GOLPH3: variants seen among roughly 807,000 people sequenced by gnomAD.
GOLPH3 encodes the protein coat protein GPP34.
GOLPH3 carries 14 observed loss-of-function variants against 28.5 expected under a neutral mutation model. The ratio of observed to expected loss-of-function variants is 0.49; its 90% confidence interval spans 0.32 to 0.77. The LOEUF is 0.77. Ranked by LOEUF, GOLPH3 falls within the 30% of genes least tolerant of loss-of-function variation. The pLI is 0.03. For missense variants in GOLPH3, 350 were observed against 393.7 expected, an observed-to-expected ratio of 0.89 and a Z score of 0.94; for synonymous variants, 158 against 159.2, an observed-to-expected ratio of 0.99 and a Z score of 0.06.
At position 32,174,166 on chromosome 5, in the gene GOLPH3, C is replaced by G. The variant is rs967981952; in HGVS notation, c.-132G>C. 1 of 517,090 alleles carries G rather than the reference C, an allele frequency of 1.9e-6. No individual in the cohort carries two copies. Among genetic ancestry groups the G allele is most frequent in the Non-Finnish European group, 3.0e-6 (1 of 338,212 alleles). 32.0% of individuals were successfully genotyped at this position (517,090 alleles called of 1,614,324 possible). On this transcript the variant is annotated 5_prime_UTR_variant, in exon 1 of 4. Transcript: ENST00000265070. ...ACGCCGGGGCGACGTCCGTCGGCAGCAGGGCCGGGGGCAGTCATGAGGAAA... is the reference window on the plus strand; with the variant it reads ...ACGCCGGGGCGACGTCCGTCGGCAGGAGGGCCGGGGGCAGTCATGAGGAAA...
chr5:32,141,542 C>T (rs1042042502), intron 2 of GOLPH3, among the ~76,000 whole-genome samples: 5 of 152,090 alleles, frequency 3.3e-5, no homozygotes, highest in Non-Finnish European at 7.4e-5. Flanking sequence ...AATGTCAAGT[C>T]TTTCAAAATT....
intron 1 of GOLPH3, 76 bp downstream of exon 1, chr5:32,173,734 C>T: frequency 9.1e-7 from 1 of 1,097,654 alleles, no homozygotes; most frequent in Non-Finnish European, 1.2e-6. Context: ...CGGGCGCTCA[C>T]CTGGCACCTA....
chr5:32,163,359 T>C (rs962758996), intron 1 of GOLPH3, among the ~76,000 whole-genome samples: 4 of 152,220 alleles, frequency 2.6e-5, no homozygotes, highest in African/African-American at 9.6e-5. Flanking sequence ...CTATGCAGAC[T>C]GAATGCTCCT....
At chr5:32,165,713 A>G (rs1272171628) in intron 1 of GOLPH3, among the ~76,000 whole-genome samples, 1 of 152,250 alleles carries the variant, frequency 6.6e-6, no homozygotes, top group East Asian at 1.9e-4. Context: ...ATTTGTACTT[A>G]GTAAAGGGCC....
intron 1 of GOLPH3, 37 bp downstream of exon 1, chr5:32,173,773 G>A: frequency 7.7e-7 from 1 of 1,306,006 alleles, no homozygotes; most frequent in Non-Finnish European, 9.7e-7. Flanking sequence ...CCCGGGCCCC[G>A]CGCCGCCGCC....
chr5:32,132,390 A>G (rs1304903982), intron 3 of GOLPH3, among the ~76,000 whole-genome samples: 1 of 152,094 alleles, frequency 6.6e-6, no homozygotes, highest in Admixed American at 6.6e-5. Flanking sequence ...GAACAAGTAT[A>G]TTTCTTTCTT....
intron 3 of GOLPH3, among the ~76,000 whole-genome samples, chr5:32,128,222 G>GA (rs1216624168): frequency 6.6e-6 from 1 of 152,160 alleles, no homozygotes; most frequent in Non-Finnish European, 1.5e-5. Flanking sequence ...GTAGAGCTGG[G>GA]AAAAATGTGA....
Position 32,173,903 on chromosome 5 carries a change from G to A in GOLPH3, c.132C>T (p.Arg44=). 6.6e-7 allele frequency: 1 copy of A among 1,514,780 alleles called. No homozygotes were observed. The highest frequency in any genetic ancestry group is 2.7e-5 in the East Asian group (1 of 36,474). The allele number at this position is 1,514,780 out of a possible 1,614,324, so 93.8% of individuals were successfully genotyped here. ...CCTTGTCGTCGTCGTCCTGCTCGTC[G>A]CGGCGGCTCTGCGCGTCGTCCTCGC... ...GSSEDDAQSR[R]DEQDDDDKGD... is the part of the protein sequence containing the mutation. Residue 44 remains arginine, a synonymous_variant, in exon 1 of 4, where the codon CGC becomes CGT. Transcript: ENST00000265070.
At chr5:32,135,733 T>C in intron 2 of GOLPH3, 47 bp from the exon 3 acceptor site, 1 of 1,059,686 alleles carries the variant, frequency 9.4e-7, no homozygotes, top group South Asian at 1.3e-5. Context: ...ATGCCTTTTC[T>C]GAGTTGATCT....
rs902889939 is a variant in GOLPH3 at position 32,125,085 on chromosome 5, C to T, written c.*1127G>A. 1.3e-5 allele frequency: 2 copies of T among 152,588 alleles called. No homozygotes were observed. Among genetic ancestry groups the T allele is most frequent in the African/African-American group, 2.4e-5 (1 of 41,432 alleles). The allele number at this position is 152,588 out of a possible 1,614,324, so 9.5% of individuals were successfully genotyped here. On this transcript the variant is annotated 3_prime_UTR_variant, in exon 4 of 4. Coordinates refer to ENST00000265070, the MANE Select transcript of GOLPH3 (RefSeq NM_022130.4). ...AATTAAAACATAGAGCTTTCTGTTA[C>T]AAAATTCTTAATCCTCTGGGTTGTA...
At chr5:32,151,286 G>C (rs918951961) in intron 1 of GOLPH3, among the ~76,000 whole-genome samples, 5 of 151,680 alleles carry the variant, frequency 3.3e-5, no homozygotes, top group Admixed American at 6.6e-5. Context: ...CAGCACTTTG[G>C]GAGGCAAAGG....
intron 1 of GOLPH3, among the ~76,000 whole-genome samples, chr5:32,173,072 G>A (rs1166573960): frequency 6.6e-6 from 1 of 152,016 alleles, no homozygotes; most frequent in Admixed American, 6.6e-5. Context: ...AAGCTTTGAG[G>A]CCTCTGATCA....
intron 1 of GOLPH3, among the ~76,000 whole-genome samples, chr5:32,149,013 A>C (rs1381100067): frequency 6.6e-6 from 1 of 152,160 alleles, no homozygotes; most frequent in African/African-American, 2.4e-5. Flanking sequence ...TGTACTTGCC[A>C]AATCTAAATG....
intron 1 of GOLPH3, among the ~76,000 whole-genome samples, chr5:32,156,743 C>T (rs996622227): frequency 1.3e-5 from 2 of 152,194 alleles, no homozygotes; most frequent in Non-Finnish European, 2.9e-5. Flanking sequence ...AGGGTTCATA[C>T]TCCTATGAGA....
chr5:32,174,289 G>A lies in GOLPH3; in HGVS notation c.-255C>T, dbSNP rs1746925755. On this transcript the variant is annotated 5_prime_UTR_variant, in exon 1 of 4. Coordinates refer to ENST00000265070, the MANE Select transcript of GOLPH3 (RefSeq NM_022130.4). ...GTCCCCGAAACACCCCGAGCTCCAA[G>A]GCGGAGGCGGCGGCGGCGCCTTTCC... The A allele has an allele frequency of 3.0e-6, 1 of 335,930 alleles. No homozygotes were observed. Among genetic ancestry groups the A allele is most frequent in the Non-Finnish European group, 5.4e-6 (1 of 186,428 alleles). The allele number at this position is 335,930 out of a possible 1,614,324, so 20.8% of individuals were successfully genotyped here.
chr5:32,156,437 C>T (rs7711497), intron 1 of GOLPH3, among the ~76,000 whole-genome samples: 11 of 151,012 alleles, frequency 7.3e-5, no homozygotes, highest in African/African-American at 2.7e-4. Context: ...TGGGAGGCAG[C>T]GGTTGCAGTG....
chr5:32,136,669 G>A (rs911625274), intron 2 of GOLPH3, among the ~76,000 whole-genome samples: 3 of 152,116 alleles, frequency 2.0e-5, no homozygotes, highest in Non-Finnish European at 2.9e-5. Flanking sequence ...TCCCTAATCC[G>A]AAAATCCGAA....
intron 3 of GOLPH3, among the ~76,000 whole-genome samples, chr5:32,129,379 T>C (rs1745774241): frequency 6.6e-6 from 1 of 152,248 alleles, no homozygotes; most frequent in African/African-American, 2.4e-5. Context: ...TCTCAGTAAA[T>C]GTTAGCTATT....
At chr5:32,127,990 C>T (rs150637339) in intron 3 of GOLPH3, among the ~76,000 whole-genome samples, 6 of 151,848 alleles carry the variant, frequency 4.0e-5, no homozygotes, top group African/African-American at 9.7e-5. Context: ...AGTCCCATCA[C>T]GTTAAGGCAG....
Sources: gnomAD v4.1 joint callset for allele counts (sites outside exome capture counted in the v4.1 genomes callset) on GRCh38, gnomAD v4.1.1 for gene constraint, MANE v1.5 for transcripts, NCBI Gene and HGNC (gene_info 2026-07-23, HGNC 2026-07-21) for gene names.